CASTOR2: variants seen among roughly 807,000 people sequenced by gnomAD.
CASTOR2 encodes the protein GATS protein like 2.
Under a neutral mutation model 31.2 loss-of-function variants are expected in CASTOR2, and 8 were observed. The ratio of observed to expected loss-of-function variants is 0.26; its 90% CI spans 0.15 to 0.46. CASTOR2 has a LOEUF of 0.46. Among genes scored for constraint, CASTOR2 ranks in the 20% least tolerant of loss-of-function variants. The probability of loss-of-function intolerance (pLI) is 0.99; values close to 1 mark genes in which losing one functional copy is unlikely to be tolerated. For missense variants in CASTOR2, 216 were observed against 382.1 expected (o/e 0.57, Z 3.62); for synonymous variants, 162 against 158.7 (o/e 1.02, Z -0.16).
chr7:74,997,738 T>G (rs1220082333), intron 1 of CASTOR2, among the ~76,000 whole-genome samples: 1 of 142,054 alleles, frequency 7.0e-6, no homozygotes, highest in Non-Finnish European at 1.5e-5. Flanking sequence ...GGTGTTTTTG[T>G]TTTTTTTTTT....
intron 1 of CASTOR2, among the ~76,000 whole-genome samples, chr7:74,985,658 T>C (rs1486928348): frequency 1.4e-5 from 2 of 146,800 alleles, no homozygotes; most frequent in Non-Finnish European, 3.0e-5. Context: ...TCATCCCAGC[T>C]CTGCCCTCAC....
intron 1 of CASTOR2, among the ~76,000 whole-genome samples, chr7:75,000,418 C>G (rs1488298535): frequency 8.5e-5 from 13 of 152,114 alleles, no homozygotes; most frequent in Non-Finnish European, 1.6e-4. Context: ...CCAGACAGAA[C>G]GGGCCACACT....
chr7:75,027,998 C>T lies in CASTOR2; in HGVS notation c.*3299C>T. 6.5e-7 allele frequency: 1 copy of T among 1,533,822 alleles called. No individual in the cohort carries two copies. The highest frequency in any genetic ancestry group is 8.7e-7 in the Non-Finnish European group (1 of 1,145,908). Reference sequence around the variant, plus strand: ...GCTCCATCCGCAGTTGCATGGAACTCCTTACCTGTTTGCCGTCCATCCCCC... The same window carrying T: ...GCTCCATCCGCAGTTGCATGGAACTTCTTACCTGTTTGCCGTCCATCCCCC... On this transcript the variant is annotated 3_prime_UTR_variant, in exon 9 of 9. Transcript: ENST00000616305.
chr7:75,020,233 T>C, intron 6 of CASTOR2, 84 bp downstream of exon 6: 1 of 1,259,792 alleles, frequency 7.9e-7, no homozygotes, highest in South Asian at 1.3e-5. Flanking sequence ...TCACCCACTT[T>C]GTCTTTTATT....
chr7:75,026,636 G>A lies in CASTOR2; in HGVS notation c.*1937G>A, dbSNP rs1437023969. ...TTTAAAATCCTTGTGGGTGTTGAAG[G>A]CCCACCACATTAATTAGAAACCAAC... On this transcript the variant is annotated 3_prime_UTR_variant, in exon 9 of 9. Coordinates refer to ENST00000616305, the MANE Select transcript of CASTOR2 (RefSeq NM_001145064.3). Among the ~76,000 whole-genome samples, 1 of 152,060 alleles carries A rather than the reference G, an allele frequency of 6.6e-6. No individual in the cohort carries two copies. Among genetic ancestry groups the A allele is most frequent in the Non-Finnish European group, 1.5e-5 (1 of 68,022 alleles).
intron 1 of CASTOR2, among the ~76,000 whole-genome samples, chr7:74,987,770 G>A (rs1287795859): frequency 7.9e-5 from 12 of 152,060 alleles, no homozygotes; most frequent in African/African-American, 2.4e-4. Flanking sequence ...GTGCAGTGGC[G>A]TGATATCGGC....
chr7:75,003,559 G>A (rs1486555038), intron 1 of CASTOR2, among the ~76,000 whole-genome samples: 1 of 152,078 alleles, frequency 6.6e-6, no homozygotes, highest in Admixed American at 6.6e-5. Context: ...GACCATCCTG[G>A]CTAACACGAT....
chr7:74,986,535 G>T (rs1356739398), intron 1 of CASTOR2, among the ~76,000 whole-genome samples: 1 of 151,846 alleles, frequency 6.6e-6, no homozygotes, highest in South Asian at 2.1e-4. Flanking sequence ...GAACATGGCT[G>T]CAGGTCTCAG....
intron 1 of CASTOR2, among the ~76,000 whole-genome samples, chr7:75,007,144 T>C (rs1804625023): frequency 6.6e-6 from 1 of 152,032 alleles, no homozygotes; most frequent in Non-Finnish European, 1.5e-5. Context: ...CCTGCAATAC[T>C]CTCTAGGGTG....
Position 75,027,519 on chromosome 7 carries a change from T to G in CASTOR2, c.*2820T>G, listed in dbSNP as rs1428240251. The G allele has an allele frequency of 6.3e-6, 1 of 159,946 alleles. No individual in the cohort carries two copies. The highest frequency in any genetic ancestry group is 1.4e-5 in the Non-Finnish European group (1 of 72,214). The allele number at this position is 159,946 out of a possible 1,614,324, so 9.9% of individuals were successfully genotyped here. On this transcript the variant is annotated 3_prime_UTR_variant, in exon 9 of 9. Coordinates refer to ENST00000616305, the MANE Select transcript of CASTOR2 (RefSeq NM_001145064.3). ...ACGCAGGCAGCTTCTCTGTTTTTTT[T>G]GTTTTTTGTAACCTGCAAGCTTAGA...
intron 1 of CASTOR2, among the ~76,000 whole-genome samples, chr7:74,983,814 G>T (rs1293649125): frequency 1.3e-5 from 2 of 150,810 alleles, no homozygotes; most frequent in African/African-American, 4.9e-5. Context: ...TGAAGACAGG[G>T]TCTCGCTCGG....
At chr7:74,977,323 G>A (rs1342532239) in intron 1 of CASTOR2, among the ~76,000 whole-genome samples, 2 of 151,654 alleles carry the variant, frequency 1.3e-5, no homozygotes, top group Non-Finnish European at 2.9e-5. Context: ...TGGGCCAGTG[G>A]GATTCTGGGT....
intron 1 of CASTOR2, among the ~76,000 whole-genome samples, chr7:74,986,423 G>A (rs1441908718): frequency 6.6e-6 from 1 of 151,340 alleles, no homozygotes; most frequent in African/African-American, 2.4e-5. Flanking sequence ...CCGGGAGGTG[G>A]AGGTTATGGT....
Position 75,027,916 on chromosome 7 carries a change from G to T in CASTOR2, c.*3217G>T. The T allele has an allele frequency of 1.7e-6, 2 of 1,146,556 alleles. No individual in the cohort carries two copies. The highest frequency in any genetic ancestry group is 1.3e-5 in the South Asian group (1 of 76,076). The allele number at this position is 1,146,556 out of a possible 1,614,324, so 71.0% of individuals were successfully genotyped here. On this transcript the variant is annotated 3_prime_UTR_variant, in exon 9 of 9. Transcript: ENST00000616305. ...CCAGCTATCTCCTGGTCTGCTGGGT[G>T]GGAGGGTCTCTCCAGGCCCCAGACC... is the stretch of plus-strand genomic sequence containing the variant.
At chr7:75,013,135 C>T (rs1171481891) in intron 2 of CASTOR2, among the ~76,000 whole-genome samples, 2 of 152,250 alleles carry the variant, frequency 1.3e-5, no homozygotes, top group African/African-American at 4.8e-5. Flanking sequence ...TCACCCCGTT[C>T]TGCAAACCTC....
chr7:74,988,975 T>TTA (rs1197312349), intron 1 of CASTOR2, among the ~76,000 whole-genome samples: 5 of 151,430 alleles, frequency 3.3e-5, no homozygotes, highest in Non-Finnish European at 5.9e-5. Flanking sequence ...TTTTTTTTTT[T>TTA]TTTGAGACGG....
chr7:74,982,058 A>C (rs1584460647), intron 1 of CASTOR2, among the ~76,000 whole-genome samples: 2 of 97,638 alleles, frequency 2.0e-5, no homozygotes, highest in African/African-American at 4.2e-5. Flanking sequence ...ACAAAGTGAG[A>C]CCCAGTCTCA....
chr7:75,020,584 G>A (rs1358294574), intron 6 of CASTOR2, among the ~76,000 whole-genome samples: 8 of 150,118 alleles, frequency 5.3e-5, no homozygotes, highest in Non-Finnish European at 8.9e-5. Flanking sequence ...TCCACCTCCC[G>A]GGTTCATGCC....
At position 75,002,568 on chromosome 7, in the gene CASTOR2, C is replaced by CA. The variant is rs1453425845; in HGVS notation, c.114-5426_114-5425insA. 8.9e-3 allele frequency among the ~76,000 whole-genome samples: 1,347 copies of CA among 152,200 alleles called. 11 individuals are homozygous for CA. Among genetic ancestry groups the CA allele is most frequent in the Non-Finnish European group, 0.012 (823 of 68,006 alleles). ...CCCCAGAGGCAGAGGTTGCAGTGAG[C>CA]CAAGATGGCACCACTGCACTCCAGC... On this transcript the variant is annotated intron_variant, in intron 1 of 8. Transcript: ENST00000616305.
Sources: allele counts gnomAD v4.1 joint callset (sites outside exome capture counted in the v4.1 genomes callset), GRCh38; gene constraint gnomAD v4.1.1; transcripts MANE v1.5; gene names NCBI Gene and HGNC (gene_info 2026-07-23, HGNC 2026-07-21).